LRP1B: variants seen among roughly 807,000 people sequenced by gnomAD.
The protein encoded by LRP1B is low-density lipoprotein receptor-related protein 1B.
A neutral mutation model predicts 556.6 loss-of-function variants in LRP1B; 217 were observed. The ratio of observed to expected loss-of-function variants is 0.39; its 90% confidence interval spans 0.35 to 0.44. LRP1B has a LOEUF of 0.44. LRP1B is among the 20% of genes least tolerant of loss of function. The pLI is 1.00. For missense variants in LRP1B, 5,053 were observed against 5,620.8 expected (o/e 0.90, Z 3.23); for synonymous variants, 2,047 against 1,865.8 (o/e 1.10, Z -2.50).
Position 140,506,879 on chromosome 2 carries a change from T to C in LRP1B, c.8438A>G (p.His2813Arg), listed in dbSNP as rs376111484. 7.1e-5 allele frequency: 114 copies of C among 1,613,918 alleles called. No homozygotes were observed. The African/African-American group carries it at 1.4e-3, about 20-fold the overall frequency. Residue 2813 changes from histidine (H) to arginine (R), a missense_variant, in exon 53 of 91, where the codon CAT (histidine) becomes CGT (arginine). By Grantham distance (29) the His-to-Arg change is conservative. Coordinates refer to ENST00000389484, the MANE Select transcript of LRP1B (RefSeq NM_018557.3). ...NTCDENAFMC[H>R]NKVCIPKQFV... The stretch of plus-strand genomic sequence containing the variant: ...TTGCTTGGGAATGCATACTTTATTA[T>C]GGCACATGAAAGCATTTTCATCACA...
intron 2 of LRP1B, among the ~76,000 whole-genome samples, chr2:141,522,410 A>T (rs1398590079): frequency 1.3e-5 from 2 of 151,760 alleles, no homozygotes; most frequent in Admixed American, 1.3e-4. Flanking sequence ...GAGAGCCTGA[A>T]TGTGGCAGGA....
chr2:141,518,110 C>A (rs1684390481), intron 2 of LRP1B, among the ~76,000 whole-genome samples: 1 of 103,598 alleles, frequency 9.7e-6, no homozygotes, highest in South Asian at 4.6e-4. Context: ...AAAAATTGAG[C>A]AAGGTTATCT....
intron 43 of LRP1B, among the ~76,000 whole-genome samples, chr2:140,548,164 T>C (rs1425237792): frequency 2.0e-5 from 3 of 152,132 alleles, no homozygotes; most frequent in Admixed American, 6.6e-5. Flanking sequence ...TTATTGCAAA[T>C]TGTATTCAGA....
At chr2:140,517,601 T>C (rs1210167355) in intron 49 of LRP1B, among the ~76,000 whole-genome samples, 2 of 151,952 alleles carry the variant, frequency 1.3e-5, no homozygotes, top group Admixed American at 6.6e-5. Flanking sequence ...CATAAAAAAG[T>C]ACCTGTATGT....
At chr2:141,464,596 A>T (rs1254912908) in intron 3 of LRP1B, among the ~76,000 whole-genome samples, 482 of 33,256 alleles carry the variant, frequency 0.014, 14 homozygotes, top group African/African-American at 0.03. Context: ...ATATATATAT[A>T]TATATATATA....
intron 35 of LRP1B, among the ~76,000 whole-genome samples, chr2:140,748,606 T>TA (rs1160479782): frequency 2.7e-5 from 3 of 109,568 alleles, no homozygotes; most frequent in Non-Finnish European, 5.1e-5. Context: ...TATATATATA[T>TA]ATATATATAT....
At chr2:141,579,724 C>CTTTTT (rs33913417) in intron 2 of LRP1B, among the ~76,000 whole-genome samples, 1,228 of 100,916 alleles carry the variant, frequency 0.012, 115 homozygotes, top group South Asian at 0.023. Context: ...TCAGGTTTCA[C>CTTTTT]TTTTTTTTTT....
chr2:141,660,067 G>A (rs758148766), intron 2 of LRP1B, among the ~76,000 whole-genome samples: 6 of 151,886 alleles, frequency 4.0e-5, no homozygotes, highest in East Asian at 1.9e-4. Flanking sequence ...AGCTGCAGTC[G>A]GAGTCTCCCA....
At chr2:140,854,137 A>C (rs1692544562) in intron 27 of LRP1B, among the ~76,000 whole-genome samples, 1 of 152,052 alleles carries the variant, frequency 6.6e-6, no homozygotes, top group Non-Finnish European at 1.5e-5. Flanking sequence ...GAAGGAAAAA[A>C]AAGTTTGTTC....
At chr2:140,941,423 G>A (rs1038253461) in intron 20 of LRP1B, among the ~76,000 whole-genome samples, 2 of 152,122 alleles carry the variant, frequency 1.3e-5, no homozygotes, top group African/African-American at 4.8e-5. Flanking sequence ...GACATTGGAA[G>A]GCCTGTTCAA....
In LRP1B at chr2:140,812,995, T is replaced by A. The variant is rs140486771; in HGVS notation, c.5359+662A>T. Among the ~76,000 whole-genome samples the A allele has an allele frequency of 1.6e-3, 241 of 152,276 alleles. 5 individuals are homozygous for A. In the East Asian group the frequency reaches 0.042, roughly 26 times the overall value. Reference sequence around the variant, plus strand: ...AACATCTTTTGAAAAATTCAAACTATCTTTTTAAACTGAAACTTACATTTC... The same window carrying A: ...AACATCTTTTGAAAAATTCAAACTAACTTTTTAAACTGAAACTTACATTTC... On this transcript the variant is annotated intron_variant, in intron 32 of 90. Coordinates refer to ENST00000389484, the MANE Select transcript of LRP1B (RefSeq NM_018557.3).
At chr2:140,303,108 T>A (rs1169031182) in intron 83 of LRP1B, among the ~76,000 whole-genome samples, 2 of 148,882 alleles carry the variant, frequency 1.3e-5, no homozygotes, top group East Asian at 3.9e-4. Context: ...TACAAATATA[T>A]ATGCATAAAA....
intron 1 of LRP1B, among the ~76,000 whole-genome samples, chr2:142,064,575 G>T (rs1705035171): frequency 6.6e-6 from 1 of 151,406 alleles, no homozygotes; most frequent in Non-Finnish European, 1.5e-5. Flanking sequence ...TGAGTAAAAT[G>T]CACACTTCTT....
intron 5 of LRP1B, among the ~76,000 whole-genome samples, chr2:141,240,625 C>T (rs1401307): frequency 0.12 from 17,816 of 151,844 alleles, 1,188 homozygotes; most frequent in African/African-American, 0.16. Context: ...TAATTTCTCT[C>T]ACATTCTAAA....
At chr2:141,984,671 A>G (rs537935159) in intron 1 of LRP1B, among the ~76,000 whole-genome samples, 1 of 152,242 alleles carries the variant, frequency 6.6e-6, no homozygotes, top group Non-Finnish European at 1.5e-5. Context: ...AGGTTTTCTT[A>G]GTTATAAAAA....
At chr2:141,404,321 C>A (rs1400144917) in intron 3 of LRP1B, among the ~76,000 whole-genome samples, 1 of 151,806 alleles carries the variant, frequency 6.6e-6, no homozygotes, top group Non-Finnish European at 1.5e-5. Flanking sequence ...AATCAGTTTT[C>A]TTTTTTTTGC....
intron 2 of LRP1B, among the ~76,000 whole-genome samples, chr2:141,762,975 C>G (rs1694611069): frequency 6.6e-6 from 1 of 152,154 alleles, no homozygotes; most frequent in South Asian, 2.1e-4. Flanking sequence ...ATTAATGAAC[C>G]AGCTACGTGT....
At chr2:140,503,755 A>C (rs959835893) in intron 53 of LRP1B, among the ~76,000 whole-genome samples, 13 of 152,088 alleles carry the variant, frequency 8.5e-5, no homozygotes, top group African/African-American at 3.1e-4. Context: ...TTGTTTTATA[A>C]GAATTTTTTC....
chr2:141,472,483 T>C (rs144279665), intron 3 of LRP1B, among the ~76,000 whole-genome samples: 128 of 152,226 alleles, frequency 8.4e-4, no homozygotes, highest in African/African-American at 2.9e-3. Flanking sequence ...GAGGTTGCAA[T>C]GAGCTGAAAT....
Sources: allele counts gnomAD v4.1 joint callset (sites outside exome capture counted in the v4.1 genomes callset), GRCh38; gene constraint gnomAD v4.1.1; transcripts MANE v1.5; gene names NCBI Gene and HGNC (gene_info 2026-07-23, HGNC 2026-07-21).